Variants in ALB observed in about 807,000 individuals in gnomAD.
The protein encoded by ALB is serum albumin.
ALB carries 37 observed loss-of-function variants against 74.5 expected under a neutral mutation model. The ratio of observed to expected loss-of-function variants is 0.50; its 90% CI spans 0.38 to 0.65. The LOEUF (loss-of-function observed/expected upper bound fraction) is 0.65, where lower values mean the gene tolerates loss of function less well. Ranked by LOEUF, ALB falls within the 30% of genes least tolerant of loss-of-function variation. ALB has a pLI of 0.00. For synonymous variants in ALB, 249 were observed against 251.6 expected (o/e 0.99, Z 0.10); for missense variants, 685 against 718.7 (o/e 0.95, Z 0.54).
chr4:73,412,865 T>A (rs1456656464), intron 7 of ALB, among the ~76,000 whole-genome samples: 2 of 152,228 alleles, frequency 1.3e-5, no homozygotes, highest in Admixed American at 1.3e-4. Context: ...GTTTGTTAGA[T>A]GTGCAAATAT....
Position 73,406,899 on chromosome 4 carries a change from CTGA to C in ALB, c.270+140_270+142del. 4.2e-6 allele frequency: 4 copies of C among 943,198 alleles called. No individual in the cohort carries two copies. In the South Asian group the frequency reaches 6.6e-5, roughly 16 times the overall value. The allele number at this position is 943,198 out of a possible 1,614,324, so 58.4% of individuals were successfully genotyped here. A position where few individuals can be genotyped will look rare whatever the true frequency, so the allele number is the denominator to read the frequency against. ...GAAACACTAAAAAGTTGCTCATAGACTGATAAGCCATTGTTTCTTTTGTGATAG... is the reference window on the plus strand; with the variant it reads ...GAAACACTAAAAAGTTGCTCATAGACTAAGCCATTGTTTCTTTTGTGATAG... On this transcript the variant is annotated intron_variant, in intron 3 of 14. Transcript: ENST00000295897.
chr4:73,405,084 T>A, intron 1 of ALB, 32 bp from the exon 2 acceptor site: 2 of 1,598,080 alleles, frequency 1.3e-6, no homozygotes, highest in Non-Finnish European at 8.6e-7. Context: ...TCTTCAGTAT[T>A]TAACAATCCT....
At chr4:73,413,754 C>G in intron 8 of ALB, 120 bp downstream of exon 8, 1 of 947,554 alleles carries the variant, frequency 1.1e-6, no homozygotes. Flanking sequence ...GTTTCTTCAT[C>G]CTTCCCTTTC....
At chr4:73,410,642 T>C (rs965323419) in intron 6 of ALB, among the ~76,000 whole-genome samples, 1 of 152,160 alleles carries the variant, frequency 6.6e-6, no homozygotes, top group Non-Finnish European at 1.5e-5. Context: ...GCTGTCCTTT[T>C]TGTCCTAAAA....
Position 73,404,405 on chromosome 4 carries a change from A to C in ALB, c.78A>C (p.Ala26=). ...CCAGGGGTGTGTTTCGTCGAGATGC[A>C]CGTAAGAAATCCATTTTTCTATTGT... ...AYSRGVFRRD[A]HKSEVAHRFK... Residue 26 remains alanine, a splice_region_variant and synonymous_variant, in exon 1 of 15, where the codon GCA becomes GCC. Coordinates refer to ENST00000295897, the MANE Select transcript of ALB (RefSeq NM_000477.7). The C allele has an allele frequency of 6.2e-7, 1 of 1,610,672 alleles. No homozygotes were observed. Among genetic ancestry groups the C allele is most frequent in the Non-Finnish European group, 8.5e-7 (1 of 1,177,010 alleles).
chr4:73,417,726 T>C, intron 11 of ALB, 57 bp downstream of exon 11: 3 of 1,406,130 alleles, frequency 2.1e-6, no homozygotes, highest in Non-Finnish European at 2.9e-6. Flanking sequence ...CCTTTAGATA[T>C]TGATAATGCT....
chr4:73,420,194 T>A, intron 13 of ALB, 60 bp from the exon 14 acceptor site: 1 of 1,447,286 alleles, frequency 6.9e-7, no homozygotes, highest in Non-Finnish European at 9.7e-7. Flanking sequence ...TAAATGTTAA[T>A]TTTGTATCCT....
intron 9 of ALB, among the ~76,000 whole-genome samples, chr4:73,415,765 A>G (rs1200864726): frequency 6.6e-6 from 1 of 152,156 alleles, no homozygotes; most frequent in Non-Finnish European, 1.5e-5. Context: ...ACAATGACCA[A>G]CGTAAAATCT....
intron 11 of ALB, 37 bp from the exon 12 acceptor site, chr4:73,418,051 C>T: frequency 1.2e-6 from 2 of 1,601,654 alleles, no homozygotes; most frequent in South Asian, 2.2e-5. Flanking sequence ...TTCAGCTTCA[C>T]CTCTTTTGAA....
intron 10 of ALB, 133 bp from the exon 11 acceptor site, chr4:73,417,398 T>C: frequency 8.4e-7 from 1 of 1,194,642 alleles, no homozygotes; most frequent in Non-Finnish European, 1.2e-6. Flanking sequence ...AACCCACTAC[T>C]CTGCAGATGG....
chr4:73,409,605 G>A (rs1356970949), intron 5 of ALB, 118 bp downstream of exon 5: 3 of 1,269,662 alleles, frequency 2.4e-6, no homozygotes, highest in African/African-American at 1.5e-5. Context: ...GGTCAAAAAA[G>A]CCTTCCTTTT....
At chr4:73,410,175 C>A in intron 5 of ALB, 137 bp from the exon 6 acceptor site, 2 of 702,400 alleles carry the variant, frequency 2.8e-6, no homozygotes, top group Non-Finnish European at 5.2e-6. Context: ...TCATTATTCG[C>A]TAAAGGGAGT....
chr4:73,415,399 G>A, intron 9 of ALB: 7 of 469,314 alleles, frequency 1.5e-5, no homozygotes, highest in South Asian at 6.2e-5. Flanking sequence ...AAAAAATTTT[G>A]ATCTTTTTTT....
rs762032364 is a variant in ALB at position 73,420,337 on chromosome 4, A to AT, written c.*23+22dup. 16 of 1,541,450 alleles carry AT rather than the reference A, an allele frequency of 1.0e-5. No individual in the cohort carries two copies. The highest frequency in any genetic ancestry group is 1.4e-5 in the Non-Finnish European group (16 of 1,121,916). ...AGCATCTCAGGTAACTATATTTTGA[A>AT]TTTTTTAAAAAAGTAACTATAATAG... On this transcript the variant is annotated intron_variant, in intron 14 of 14. Transcript: ENST00000295897.
intron 9 of ALB, among the ~76,000 whole-genome samples, chr4:73,415,762 C>T (rs893028880): frequency 2.0e-5 from 3 of 152,064 alleles, no homozygotes; most frequent in Non-Finnish European, 4.4e-5. Flanking sequence ...CAAACAATGA[C>T]CAACGTAAAA....
At chr4:73,421,019 A>T in intron 14 of ALB, 73 bp from the exon 15 acceptor site, 1 of 650,832 alleles carries the variant, frequency 1.5e-6, no homozygotes, top group Non-Finnish European at 2.7e-6. Flanking sequence ...GTAATTTGGC[A>T]TTTATTTTAA....
Position 73,418,260 on chromosome 4 carries a change from A to C in ALB, c.1601A>C (p.His534Pro). ...KEFNAETFTF[H>P]ADICTLSEKE... ...TTTAATGCTGAAACATTCACCTTCCATGCAGATATATGCACACTTTCTGAG... is the reference window on the plus strand; with the variant it reads ...TTTAATGCTGAAACATTCACCTTCCCTGCAGATATATGCACACTTTCTGAG... The change falls in exon 12 of 15, where the codon CAT becomes CCT. Residue 534 changes from histidine (H) to proline (P), a missense_variant. Physicochemically the swap from His to Pro is moderately conservative, Grantham distance 77. Coordinates refer to ENST00000295897, the MANE Select transcript of ALB (RefSeq NM_000477.7). 6.2e-7 allele frequency: 1 copy of C among 1,614,092 alleles called. No homozygotes were observed. Among genetic ancestry groups the C allele is most frequent in the South Asian group, 1.1e-5 (1 of 91,086 alleles).
chr4:73,411,617 A>T (rs1051931037), intron 6 of ALB, among the ~76,000 whole-genome samples: 6 of 152,214 alleles, frequency 3.9e-5, no homozygotes, highest in African/African-American at 1.4e-4. Context: ...TGTTGTCATG[A>T]CACTGCAGAG....
At chr4:73,408,233 C>T (rs1718782846) in intron 3 of ALB, among the ~76,000 whole-genome samples, 1 of 152,082 alleles carries the variant, frequency 6.6e-6, no homozygotes. Context: ...GTTTTTCTCC[C>T]CTAGGTGAAT....
Sources: allele counts gnomAD v4.1 joint callset (sites outside exome capture counted in the v4.1 genomes callset), GRCh38; gene constraint gnomAD v4.1.1; transcripts MANE v1.5; gene names NCBI Gene and HGNC (gene_info 2026-07-23, HGNC 2026-07-21).